Variants in C12orf56 observed in about 807,000 individuals in gnomAD.
The protein encoded by C12orf56 is uncharacterized protein C12orf56.
In C12orf56, 71 loss-of-function variants were observed where a neutral mutation model predicts 69.9. That is an observed-to-expected ratio of 1.02 (90% CI 0.84 to 1.24). C12orf56 has a LOEUF of 1.24. C12orf56 is among the 50% of genes most tolerant of loss of function. The pLI is 0.00. For synonymous variants in C12orf56, 276 were observed against 274.1 expected (o/e 1.01, Z -0.07); for missense variants, 732 against 738.5 (o/e 0.99, Z 0.10).
At chr12:64,313,302 T>A (rs1236066603) in intron 4 of C12orf56, among the ~76,000 whole-genome samples, 1 of 100,848 alleles carries the variant, frequency 9.9e-6, no homozygotes, top group Non-Finnish European at 2.2e-5. Context: ...AAGAAAGAAA[T>A]TATTTATCAA....
chr12:64,271,164 CA>C (rs899689081), intron 11 of C12orf56, among the ~76,000 whole-genome samples: 5 of 149,818 alleles, frequency 3.3e-5, no homozygotes, highest in Non-Finnish European at 7.4e-5. Context: ...GATTCCATCT[CA>C]AAAAAAAGTA....
At chr12:64,360,170 A>G (rs10878159) in intron 1 of C12orf56, among the ~76,000 whole-genome samples, 68,003 of 151,858 alleles carry the variant, frequency 0.45, 16,916 homozygotes, top group Non-Finnish European at 0.56. Context: ...TCACACCTGT[A>G]ATCCCAGCAC....
Position 64,297,030 on chromosome 12 carries a change from C to T in C12orf56, c.1113+6605G>A, listed in dbSNP as rs191122726. ...CTTATAAATTACCAAGTTTGTGATA[C>T]TCTGTTATAGCAACACAAAACAGAC... is the stretch of plus-strand genomic sequence containing the variant. On this transcript the variant is annotated intron_variant, in intron 6 of 12. Transcript: ENST00000543942. Among the ~76,000 whole-genome samples, 502 of 152,204 alleles carry T rather than the reference C, an allele frequency of 3.3e-3. 8 individuals carry two copies. The highest frequency in any genetic ancestry group is 1.6e-3 in the Non-Finnish European group (106 of 68,036).
chr12:64,275,974 C>T (rs2038045106), intron 9 of C12orf56, among the ~76,000 whole-genome samples: 1 of 142,978 alleles, frequency 7.0e-6, no homozygotes, highest in African/African-American at 2.7e-5. Flanking sequence ...AACAACCCTA[C>T]TTCCTTTCAA....
chr12:64,386,050 A>G (rs950851704), intron 1 of C12orf56, among the ~76,000 whole-genome samples: 2 of 151,988 alleles, frequency 1.3e-5, no homozygotes. Context: ...TTTAGGGGAA[A>G]ATCCATTTCC....
intron 1 of C12orf56, among the ~76,000 whole-genome samples, chr12:64,370,714 G>A (rs2039559359): frequency 6.6e-6 from 1 of 152,050 alleles, no homozygotes; most frequent in African/African-American, 2.4e-5. Flanking sequence ...AAAAAAACTA[G>A]AATAACTGAA....
rs373162011 is a variant in C12orf56 at position 64,357,903 on chromosome 12, AAAAAAG to A, written c.253-4853_253-4848del. On this transcript the variant is annotated intron_variant, in intron 1 of 12. Transcript: ENST00000543942. ...TGACAGAGGGAGACTCCATCTCAAA[AAAAAAG>A]AAAAAGAAAAAGAAAAAGAAATAAA... Among the ~76,000 whole-genome samples the A allele has an allele frequency of 3.8e-3, 578 of 150,432 alleles. 7 individuals carry two copies. Among genetic ancestry groups the A allele is most frequent in the African/African-American group, 6.3e-3 (260 of 41,098 alleles).
intron 1 of C12orf56, among the ~76,000 whole-genome samples, chr12:64,373,742 A>G (rs78577365): frequency 0.047 from 7,135 of 152,296 alleles, 560 homozygotes; most frequent in African/African-American, 0.16. Flanking sequence ...AAGAGGACCA[A>G]TGGTAAACCC....
intron 2 of C12orf56, among the ~76,000 whole-genome samples, chr12:64,352,099 G>GTTTTTTTTTTTTTTTTTTTTT (rs55762803): frequency 2.0e-4 from 30 of 148,750 alleles, no homozygotes; most frequent in African/African-American, 6.1e-4. Flanking sequence ...TTTTGTTTTT[G>GTTTTTTTTTTTTTTTTTTTTT]TTTTTTTTTT....
rs1565783069 is a variant in C12orf56, at chr12:64,380,121, A to AACAAAC, written c.252+10192_252+10193insGTTTGT. Among the ~76,000 whole-genome samples the AACAAAC allele has an allele frequency of 2.1e-3, 197 of 92,428 alleles. 3 individuals carry two copies. Among genetic ancestry groups the AACAAAC allele is most frequent in the African/African-American group, 6.6e-3 (188 of 28,598 alleles). The allele number at this position is 92,428 out of a possible 152,430, so 60.6% of individuals were successfully genotyped here. On this transcript the variant is annotated intron_variant, in intron 1 of 12. Coordinates refer to ENST00000543942, the MANE Select transcript of C12orf56 (RefSeq NM_001170633.2). ...CTCCGTCGCAAAAAAAAAAAAAAAA[A>AACAAAC]AAAAAAAAAAAAACAAAACAAACAA... is the stretch of plus-strand genomic sequence containing the variant.
chr12:64,273,144 ATT>A (rs2136746039), intron 11 of C12orf56, among the ~76,000 whole-genome samples: 1 of 152,120 alleles, frequency 6.6e-6, no homozygotes, highest in East Asian at 1.9e-4. Context: ...AAAATACAAA[ATT>A]TAGCCGGGTA....
At chr12:64,328,696 AAAAAAAAAAAATATATATATAT>A (rs1307042058) in intron 3 of C12orf56, among the ~76,000 whole-genome samples, 43 of 19,388 alleles carry the variant, frequency 2.2e-3, no homozygotes, top group African/African-American at 5.0e-3. Context: ...AAAAAAAAAA[AAAAAAAAAAAATATATATATAT>A]ATATATATAT....
At chr12:64,366,883 A>T (rs528236263) in intron 1 of C12orf56, among the ~76,000 whole-genome samples, 12 of 128,112 alleles carry the variant, frequency 9.4e-5, no homozygotes, top group African/African-American at 1.8e-4. Context: ...GTTTATATAT[A>T]TTATATAACA....
At chr12:64,374,189 T>C (rs1005293662) in intron 1 of C12orf56, among the ~76,000 whole-genome samples, 1 of 152,206 alleles carries the variant, frequency 6.6e-6, no homozygotes, top group Admixed American at 6.5e-5. Flanking sequence ...AGGCAGTGCC[T>C]CATCATAATA....
chr12:64,277,631 CCT>C, intron 9 of C12orf56, 47 bp downstream of exon 9: 1 of 471,564 alleles, frequency 2.1e-6, no homozygotes, highest in Non-Finnish European at 2.8e-6. Flanking sequence ...AGCCAGGGCC[CCT>C]ATATATATAT....
chr12:64,301,530 G>A (rs2038446077), intron 6 of C12orf56, among the ~76,000 whole-genome samples: 1 of 152,156 alleles, frequency 6.6e-6, no homozygotes, highest in Non-Finnish European at 1.5e-5. Flanking sequence ...GGCCCCAGAA[G>A]AAGGTTTTCA....
rs368718414 is a variant in C12orf56, at chr12:64,312,681, A to G, written c.966T>C (p.Tyr322=). 273 of 1,532,228 alleles carry G rather than the reference A, an allele frequency of 1.8e-4. No individual in the cohort carries two copies. The highest frequency in any genetic ancestry group is 2.2e-4 in the Non-Finnish European group (256 of 1,142,576). 94.9% of individuals were successfully genotyped at this position (1,532,228 alleles called of 1,614,324 possible). A position where few individuals can be genotyped will look rare whatever the true frequency, so the allele number is the denominator to read the frequency against. Residue 322 remains tyrosine, a splice_region_variant and synonymous_variant, in exon 5 of 13, where the codon TAT becomes TAC. Transcript: ENST00000543942. The stretch of plus-strand genomic sequence containing the variant: ...TATCATACATCATCACTTCTTACCT[A>G]TATGGCTTTTGACTTCCAATAGCAG... ...FSPAIGSQKP[Y]RSEEKIKHFS...
chr12:64,379,764 T>C (rs2039686639), intron 1 of C12orf56, among the ~76,000 whole-genome samples: 1 of 151,556 alleles, frequency 6.6e-6, no homozygotes, highest in East Asian at 1.9e-4. Context: ...TGGCCTCAGC[T>C]TACGTAACTC....
intron 1 of C12orf56, among the ~76,000 whole-genome samples, chr12:64,382,702 A>T (rs2039735480): frequency 6.6e-6 from 1 of 151,530 alleles, no homozygotes; most frequent in South Asian, 2.1e-4. Flanking sequence ...GTGAAACCCC[A>T]TCTCTACTAA....
Sources: allele counts gnomAD v4.1 joint callset (sites outside exome capture counted in the v4.1 genomes callset), GRCh38; gene constraint gnomAD v4.1.1; transcripts MANE v1.5; gene names NCBI Gene and HGNC (gene_info 2026-07-23, HGNC 2026-07-21).